Variants in MAJIN observed in about 807,000 individuals in gnomAD.
MAJIN encodes membrane anchored junction protein, also known as membrane-anchored junction protein.
Under a neutral mutation model 30.2 loss-of-function variants are expected in MAJIN, and 27 were observed. The observed-to-expected ratio is 0.89, with a 90% CI of 0.66 to 1.23. The LOEUF (loss-of-function observed/expected upper bound fraction) is 1.23. Ranked by LOEUF, MAJIN falls within the 50% of genes most tolerant of loss-of-function variation. The pLI is 0.00. For synonymous variants in MAJIN, 78 were observed against 91.6 expected (o/e 0.85, Z 0.85); for missense variants, 253 against 260.3 (o/e 0.97, Z 0.19).
intron 1 of MAJIN, among the ~76,000 whole-genome samples, chr11:64,969,431 A>T (rs866119558): frequency 6.6e-6 from 1 of 151,910 alleles, no homozygotes. Context: ...TGTCAGAGCA[A>T]TCAGAAGGCA....
At chr11:64,947,127 G>T (rs1945463017) in intron 8 of MAJIN, among the ~76,000 whole-genome samples, 1 of 152,154 alleles carries the variant, frequency 6.6e-6, no homozygotes, top group East Asian at 1.9e-4. Flanking sequence ...GTTTAGATCG[G>T]ACTGTATTTC....
chr11:64,949,214 T>A (rs1945510779), intron 6 of MAJIN, among the ~76,000 whole-genome samples: 1 of 149,874 alleles, frequency 6.7e-6, no homozygotes, highest in African/African-American at 2.5e-5. Context: ...CCTATAGTCC[T>A]AGCTACTTGG....
In MAJIN at chr11:64,956,656, A is replaced by C. The variant is rs370163049; in HGVS notation, c.102-1854T>G. On this transcript the variant is annotated intron_variant, in intron 3 of 10. Transcript: ENST00000301896. ...CTACCATTAAAAAAAAAACAAACCC[A>C]AACTACGATTTGTCCAGTTTTGTCA... Among the ~76,000 whole-genome samples, 15 of 152,104 alleles carry C rather than the reference A, an allele frequency of 9.9e-5. No individual in the cohort carries two copies. The South Asian group carries it at 3.1e-3, about 32-fold the overall frequency.
chr11:64,952,176 AC>A, intron 4 of MAJIN, among the ~76,000 whole-genome samples: 1 of 151,658 alleles, frequency 6.6e-6, no homozygotes, highest in South Asian at 2.1e-4. Context: ...GGCATGAGCG[AC>A]CACGCCCGGC....
chr11:64,968,446 G>C (rs1945845673), intron 1 of MAJIN, among the ~76,000 whole-genome samples: 1 of 151,762 alleles, frequency 6.6e-6, no homozygotes, highest in Non-Finnish European at 1.5e-5. Context: ...AATTTTTGCA[G>C]AGATGGGGTT....
chr11:64,957,946 GA>G (rs1425347917), intron 3 of MAJIN, among the ~76,000 whole-genome samples: 20 of 149,894 alleles, frequency 1.3e-4, no homozygotes, highest in Admixed American at 2.0e-4. Context: ...TTTTTGCTGT[GA>G]TTTTTTTTTT....
intron 1 of MAJIN, among the ~76,000 whole-genome samples, chr11:64,965,084 TA>T (rs1256183775): frequency 6.6e-6 from 1 of 152,234 alleles, no homozygotes; most frequent in Non-Finnish European, 1.5e-5. Context: ...AAGTCTTTTT[TA>T]TAAGTGTTAA....
chr11:64,953,585 G>A (rs188111345), intron 4 of MAJIN, among the ~76,000 whole-genome samples: 27 of 152,302 alleles, frequency 1.8e-4, no homozygotes, highest in Admixed American at 1.6e-3. Flanking sequence ...GAGGTCAAGA[G>A]ATCGAGACCA....
At chr11:64,940,491 T>C in intron 9 of MAJIN, 83 bp downstream of exon 9, 1 of 1,423,102 alleles carries the variant, frequency 7.0e-7, no homozygotes, top group Non-Finnish European at 9.9e-7. Context: ...CAGACTCAGC[T>C]CTGTGCTGCT....
chr11:64,953,688 G>A (rs1945589708), intron 4 of MAJIN, among the ~76,000 whole-genome samples: 1 of 152,166 alleles, frequency 6.6e-6, no homozygotes, highest in Non-Finnish European at 1.5e-5. Context: ...CTGCTTGGGA[G>A]GCTGAGGCAG....
intron 4 of MAJIN, among the ~76,000 whole-genome samples, chr11:64,953,177 A>G (rs762656557): frequency 1.9e-4 from 29 of 152,200 alleles, no homozygotes; most frequent in Admixed American, 1.1e-3. Context: ...CAGGCATTGC[A>G]GACATCTATT....
At chr11:64,968,263 T>TA (rs1282435333) in intron 1 of MAJIN, among the ~76,000 whole-genome samples, 1 of 152,128 alleles carries the variant, frequency 6.6e-6, no homozygotes, top group Non-Finnish European at 1.5e-5. Context: ...TATAAATATC[T>TA]AAATATCTAT....
chr11:64,946,110 G>A (rs1023360119), intron 8 of MAJIN: 16 of 1,535,086 alleles, frequency 1.0e-5, no homozygotes, highest in East Asian at 4.9e-5. Flanking sequence ...TCCACAGGGG[G>A]CTTCTTTTTG....
intron 4 of MAJIN, among the ~76,000 whole-genome samples, chr11:64,951,031 AGTTATAATT>A (rs1394537798): frequency 1.3e-5 from 2 of 152,180 alleles, no homozygotes; most frequent in African/African-American, 4.8e-5. Context: ...TGATTTACCA[AGTTATAATT>A]GTTAGTATCA....
Position 64,938,495 on chromosome 11 carries a change from A to G in MAJIN, c.*80T>C. On this transcript the variant is annotated 3_prime_UTR_variant, in exon 11 of 11. Transcript: ENST00000301896. Reference sequence around the variant, plus strand: ...TCGGGAGGAGTCACTACAAGAGATGATCCTCTTTCCAGCGCTGCATTTGGA... The same window carrying G: ...TCGGGAGGAGTCACTACAAGAGATGGTCCTCTTTCCAGCGCTGCATTTGGA... 2.6e-6 allele frequency: 4 copies of G among 1,529,156 alleles called. No individual in the cohort carries two copies. The highest frequency in any genetic ancestry group is 3.5e-6 in the Non-Finnish European group (4 of 1,140,684). 94.7% of individuals were successfully genotyped at this position (1,529,156 alleles called of 1,614,324 possible).
At chr11:64,969,298 A>T (rs1945860312) in intron 1 of MAJIN, among the ~76,000 whole-genome samples, 1 of 152,162 alleles carries the variant, frequency 6.6e-6, no homozygotes, top group Admixed American at 6.6e-5. Context: ...TATACATTTG[A>T]GTCACCAGTG....
intron 7 of MAJIN, 88 bp from the exon 8 acceptor site, chr11:64,947,553 T>A: frequency 7.3e-7 from 1 of 1,369,696 alleles, no homozygotes; most frequent in Non-Finnish European, 1.0e-6. Flanking sequence ...TCCCCATCCT[T>A]AAACTGCCAA....
chr11:64,938,474 G>A lies in MAJIN; in HGVS notation c.*101C>T. 1 of 1,503,768 alleles carries A rather than the reference G, an allele frequency of 6.6e-7. No homozygotes were observed. 93.2% of individuals were successfully genotyped at this position (1,503,768 alleles called of 1,614,324 possible). The stretch of plus-strand genomic sequence containing the variant: ...TAGAGTTGGAGGAAGAATGGCTCGG[G>A]AGGAGTCACTACAAGAGATGATCCT... On this transcript the variant is annotated 3_prime_UTR_variant, in exon 11 of 11. Coordinates refer to ENST00000301896, the MANE Select transcript of MAJIN (RefSeq NM_001037225.3).
chr11:64,970,209 C>A (rs1350696011), intron 1 of MAJIN, among the ~76,000 whole-genome samples: 1 of 150,126 alleles, frequency 6.7e-6, no homozygotes, highest in Non-Finnish European at 1.5e-5. Flanking sequence ...ACTAAAAATA[C>A]AAAATTAGCC....
Sources: allele counts gnomAD v4.1 joint callset (sites outside exome capture counted in the v4.1 genomes callset), GRCh38; gene constraint gnomAD v4.1.1; transcripts MANE v1.5; gene names NCBI Gene and HGNC (gene_info 2026-07-23, HGNC 2026-07-21).